Variants in APC2 observed in about 807,000 individuals in gnomAD.
The protein encoded by APC2 is adenomatous polyposis coli protein 2.
Under a neutral mutation model 72.5 loss-of-function variants are expected in APC2, and 41 were observed. The observed-to-expected ratio is 0.57, with a 90% CI of 0.44 to 0.73. The LOEUF (loss-of-function observed/expected upper bound fraction) is 0.73. Ranked by LOEUF, APC2 falls within the 30% of genes least tolerant of loss-of-function variation. APC2 has a pLI of 0.00. For synonymous variants in APC2, 1,898 were observed against 1,612.0 expected (o/e 1.18, Z -4.25); for missense variants, 3,729 against 3,403.4 (o/e 1.10, Z -2.38).
intron 14 of APC2, among the ~76,000 whole-genome samples, chr19:1,462,745 C>A (rs990212896): frequency 1.3e-5 from 2 of 149,094 alleles, no homozygotes; most frequent in African/African-American, 5.0e-5. Context: ...CCGAGGCGGG[C>A]GGATCACGAG....
At chr19:1,462,753 G>C (rs1258553959) in intron 14 of APC2, among the ~76,000 whole-genome samples, 3 of 126,108 alleles carry the variant, frequency 2.4e-5, no homozygotes, top group Admixed American at 2.4e-4. Context: ...GGCGGATCAC[G>C]AGGTCAGGAG....
Position 1,465,760 on chromosome 19 carries a change from C to G in APC2, c.2459C>G (p.Pro820Arg). ...FLQGQALART[P>R]PTRRGGKEAE... ...CAGGGGCAGGCGCTGGCTCGCACCC[C>G]GCCCACCCGCCGAGGCGGCAAGGAG... is the stretch of plus-strand genomic sequence containing the variant. The change falls in exon 15 of 15, where the codon CCG (proline) becomes CGG (arginine). Residue 820 changes from proline (P) to arginine (R), a missense_variant. Physicochemically the swap from Pro to Arg is moderately radical, Grantham distance 103. Transcript: ENST00000590469. 3.9e-6 allele frequency: 6 copies of G among 1,532,172 alleles called. No homozygotes were observed. The highest frequency in any genetic ancestry group is 5.3e-6 in the Non-Finnish European group (6 of 1,142,210). 94.9% of individuals were successfully genotyped at this position (1,532,172 alleles called of 1,614,324 possible).
At chr19:1,460,109 G>A in intron 10 of APC2, 72 bp from the exon 11 acceptor site, 1 of 1,599,006 alleles carries the variant, frequency 6.3e-7, no homozygotes, top group Non-Finnish European at 8.5e-7. Flanking sequence ...TCTGGGCAAG[G>A]GAGTGAGGTG....
rs747576757 is a variant in APC2, at chr19:1,466,164, G to A, written c.2863G>A (p.Glu955Lys). ...CPLAALASRR[E>K]DPRCGQPRPS... ...GCTGGCCGCACTGGCTTCGCGCCGCGAGGACCCCAGGTGTGGGCAGCCTCG... is the reference window on the plus strand; with the variant it reads ...GCTGGCCGCACTGGCTTCGCGCCGCAAGGACCCCAGGTGTGGGCAGCCTCG... Residue 955 changes from glutamate (E) to lysine (K), a missense_variant, in exon 15 of 15, where the codon GAG becomes AAG. Coordinates refer to ENST00000590469, the MANE Select transcript of APC2 (RefSeq NM_005883.3). 2.6e-6 allele frequency: 4 copies of A among 1,564,910 alleles called. 1 individual carries two copies. The highest frequency in any genetic ancestry group is 3.4e-4 in the Middle Eastern group (2 of 5,912).
intron 4 of APC2, among the ~76,000 whole-genome samples, chr19:1,453,855 C>T (rs959144858): frequency 6.6e-6 from 1 of 152,192 alleles, no homozygotes; most frequent in African/African-American, 2.4e-5. Flanking sequence ...GGGGGACGTT[C>T]CTGGCTGAGG....
chr19:1,448,522 G>C (rs182931055), upstream of APC2, among the ~76,000 whole-genome samples: 122 of 150,928 alleles, frequency 8.1e-4, no homozygotes, highest in African/African-American at 2.7e-3. Flanking sequence ...CTGCAGCCTG[G>C]GGGACAGAGC....
Position 1,467,443 on chromosome 19 carries a change from C to A in APC2, c.4142C>A (p.Ala1381Asp). The A allele has an allele frequency of 6.8e-7, 1 of 1,477,408 alleles. No individual in the cohort carries two copies. 91.5% of individuals were successfully genotyped at this position (1,477,408 alleles called of 1,614,324 possible). Residue 1381 changes from alanine to aspartate, a missense_variant, in exon 15 of 15, where the codon GCC (alanine) becomes GAC (aspartate). Transcript: ENST00000590469. The stretch of plus-strand genomic sequence containing the variant: ...GTCTACATGTTGGTGCCCGCCCCGG[C>A]CCCGGCCCAGGAGGACGACTCCTGC... ...VPVYMLVPAP[A>D]PAQEDDSCTD...
chr19:1,449,969 G>GC (rs1333145218), upstream of APC2, among the ~76,000 whole-genome samples: 2 of 152,108 alleles, frequency 1.3e-5, no homozygotes, highest in African/African-American at 4.8e-5. Context: ...CGCACTCACG[G>GC]CCCCTGAGCC....
intron 7 of APC2, 24 bp downstream of exon 7, chr19:1,456,177 G>C: frequency 6.4e-7 from 1 of 1,569,482 alleles, no homozygotes; most frequent in Non-Finnish European, 8.6e-7. Context: ...CAGAGCCAGG[G>C]ACCAGGGGTG....
In APC2 at chr19:1,468,338, C is replaced by G; in HGVS notation, c.5037C>G (p.Ser1679=). The part of the protein sequence containing the change: ...GEEAAGSDRA[S]DLDSVEWRAI... The stretch of plus-strand genomic sequence containing the variant: ...AGGCAGCGGGCTCGGACCGGGCCTC[C>G]GACCTGGATAGCGTGGAGTGGCGCG... The change falls in exon 15 of 15, where the codon TCC becomes TCG. Residue 1679 remains serine (S), a synonymous_variant. Transcript: ENST00000590469. 2 of 1,561,258 alleles carry G rather than the reference C, an allele frequency of 1.3e-6. No individual in the cohort carries two copies. Among genetic ancestry groups the G allele is most frequent in the South Asian group, 1.2e-5 (1 of 84,634 alleles).
chr19:1,453,572 G>A lies in APC2; in HGVS notation c.374G>A (p.Arg125Gln), dbSNP rs1479772782. 1.9e-5 allele frequency: 30 copies of A among 1,609,764 alleles called. No individual in the cohort carries two copies. The highest frequency in any genetic ancestry group is 1.1e-4 in the East Asian group (5 of 44,784). Residue 125 changes from arginine (R) to glutamine (Q), a missense_variant, in exon 4 of 15, where the codon CGG (arginine) becomes CAG (glutamine). Physicochemically the swap from Arg to Gln is conservative, Grantham distance 43. Transcript: ENST00000590469. ...AAGGACAGCTTTGGGGAGCTGAGCCGGGCCACCATCCGGCTGCTGGAGGAA... is the reference window on the plus strand; with the variant it reads ...AAGGACAGCTTTGGGGAGCTGAGCCAGGCCACCATCCGGCTGCTGGAGGAA... ...PSKDSFGELS[R>Q]ATIRLLEELD...
chr19:1,467,649 C>T lies in APC2; in HGVS notation c.4348C>T (p.Arg1450Cys). ...CCGGCACAAGGCGGGAGGCGCCGGC[C>T]GCAGCGCGGAGCAGTCTCGGGGCGC... ...GHRHKAGGAG[R>C]SAEQSRGAGK... is the part of the protein sequence containing the mutation. Residue 1450 changes from arginine to cysteine, a missense_variant, in exon 15 of 15, where the codon CGC (arginine) becomes TGC (cysteine). Transcript: ENST00000590469. 2 of 1,479,988 alleles carry T rather than the reference C, an allele frequency of 1.4e-6. No homozygotes were observed. Among genetic ancestry groups the T allele is most frequent in the East Asian group, 2.7e-5 (1 of 36,588 alleles). 91.7% of individuals were successfully genotyped at this position (1,479,988 alleles called of 1,614,324 possible).
chr19:1,461,113 G>C lies in APC2; in HGVS notation c.1598G>C (p.Ser533Thr), dbSNP rs1229054031. The C allele has an allele frequency of 6.2e-7, 1 of 1,612,866 alleles. No homozygotes were observed. Among genetic ancestry groups the C allele is most frequent in the Non-Finnish European group, 8.5e-7 (1 of 1,180,024 alleles). Reference protein sequence around the residue: ...NSKKVLREAGSVTALVQCVLR... With the variant: ...NSKKVLREAGTVTALVQCVLR... ...AAGAAGGTGCTGAGGGAGGCGGGCA[G>C]CGTGACTGCCCTGGTGCAGTGTGTC... Residue 533 changes from serine (S) to threonine (T), a missense_variant, in exon 13 of 15, where the codon AGC becomes ACC. By Grantham distance (58) the Ser-to-Thr change is moderately conservative. Transcript: ENST00000590469.
At position 1,468,166 on chromosome 19, in the gene APC2, C is replaced by A; in HGVS notation, c.4865C>A (p.Pro1622Gln). 6.9e-7 allele frequency: 1 copy of A among 1,455,214 alleles called. No homozygotes were observed. Among genetic ancestry groups the A allele is most frequent in the Non-Finnish European group, 9.0e-7 (1 of 1,112,752 alleles). 90.1% of individuals were successfully genotyped at this position (1,455,214 alleles called of 1,614,324 possible). A position where few individuals can be genotyped will look rare whatever the true frequency, so the allele number is the denominator to read the frequency against. The change falls in exon 15 of 15, where the codon CCG (proline) becomes CAG (glutamine). Residue 1622 changes from proline (P) to glutamine (Q), a missense_variant. Coordinates refer to ENST00000590469, the MANE Select transcript of APC2 (RefSeq NM_005883.3). ...GGCGGACGCGACAGCTCGCCCAGCCCGCGGGCCGCGGAGGAGCTTCTGCAG... is the reference window on the plus strand; with the variant it reads ...GGCGGACGCGACAGCTCGCCCAGCCAGCGGGCCGCGGAGGAGCTTCTGCAG... ...PGGGRDSSPS[P>Q]RAAEELLQRC...
chr19:1,468,307 G>A lies in APC2; in HGVS notation c.5006G>A (p.Gly1669Asp), dbSNP rs1181209687. 1.9e-6 allele frequency: 3 copies of A among 1,545,452 alleles called. No individual in the cohort carries two copies. Among genetic ancestry groups the A allele is most frequent in the Non-Finnish European group, 2.6e-6 (3 of 1,146,390 alleles). Residue 1669 changes from glycine to aspartate, a missense_variant, in exon 15 of 15, where the codon GGC becomes GAC. By Grantham distance (94) the Gly-to-Asp change is moderately conservative. Transcript: ENST00000590469. ...CCCGCAGAGGGGTCCCGGGAACGCG[G>A]CGAGGAGGCAGCGGGCTCGGACCGG... Reference protein sequence around the residue: ...ERPAEGSRERGEEAAGSDRAS... With the variant: ...ERPAEGSRERDEEAAGSDRAS...
chr19:1,456,354 G>A lies in APC2; in HGVS notation c.766G>A (p.Glu256Lys), dbSNP rs2083826319. 1.9e-6 allele frequency: 3 copies of A among 1,609,478 alleles called. No individual in the cohort carries two copies. The highest frequency in any genetic ancestry group is 2.5e-6 in the Non-Finnish European group (3 of 1,178,826). ...GCCGGTGGACGAGGACCCCGAGACA[G>A]AGGTCCCCACACACCCTGAGGATGG... ...SVPVDEDPETEVPTHPEDGTP... is the reference protein window; with the variant it reads ...SVPVDEDPETKVPTHPEDGTP... The change falls in exon 8 of 15, where the codon GAG (glutamate) becomes AAG (lysine). Residue 256 changes from glutamate (E) to lysine (K), a missense_variant. By Grantham distance (56) the Glu-to-Lys change is moderately conservative. Transcript: ENST00000590469.
At position 1,465,485 on chromosome 19, in the gene APC2, C is replaced by A; in HGVS notation, c.2184C>A (p.Ala728=). Residue 728 remains alanine, a synonymous_variant, in exon 15 of 15, where the codon GCC becomes GCA. Coordinates refer to ENST00000590469, the MANE Select transcript of APC2 (RefSeq NM_005883.3). ...TGCGCAAGCAGCGGGCGCTGGAGGC[C>A]GAGCTGGACGCACGGCACCTCGCGC... The part of the protein sequence containing the change: ...LYVRKQRALE[A]ELDARHLAQA... The A allele has an allele frequency of 1.3e-6, 2 of 1,527,014 alleles. No homozygotes were observed. Among genetic ancestry groups the A allele is most frequent in the Non-Finnish European group, 1.8e-6 (2 of 1,141,262 alleles). The allele number at this position is 1,527,014 out of a possible 1,614,324, so 94.6% of individuals were successfully genotyped here.
At chr19:1,461,851 CA>C (rs370073075) in intron 13 of APC2, 111 bp from the exon 14 acceptor site, 15,945 of 696,718 alleles carry the variant, frequency 0.023, 125 homozygotes, top group African/African-American at 0.089. Flanking sequence ...GATTCCGTCT[CA>C]AAAAAAAAAA....
chr19:1,465,598 G>T lies in APC2; in HGVS notation c.2297G>T (p.Gly766Val). Residue 766 changes from glycine (G) to valine (V), a missense_variant, in exon 15 of 15, where the codon GGC (glycine) becomes GTC (valine). Transcript: ENST00000590469. Reference protein sequence around the residue: ...KPLPPLRHLDGLAQDYASDSG... With the variant: ...KPLPPLRHLDVLAQDYASDSG... ...CTGCCGCCCCTGCGACACCTGGACG[G>T]CCTGGCCCAAGACTATGCTTCCGAT... 1 of 1,588,996 alleles carries T rather than the reference G, an allele frequency of 6.3e-7. No individual in the cohort carries two copies. The highest frequency in any genetic ancestry group is 8.6e-7 in the Non-Finnish European group (1 of 1,169,368).
Sources: allele counts gnomAD v4.1 joint callset (sites outside exome capture counted in the v4.1 genomes callset), GRCh38; gene constraint gnomAD v4.1.1; transcripts MANE v1.5; gene names NCBI Gene and HGNC (gene_info 2026-07-23, HGNC 2026-07-21).